Variants in MACROD2 observed in about 807,000 individuals in gnomAD.
The protein encoded by MACROD2 is mono-ADP ribosylhydrolase 2.
MACROD2 carries 36 observed loss-of-function variants against 70.4 expected under a neutral mutation model. The observed-to-expected ratio is 0.51, with a 90% CI of 0.39 to 0.68. The LOEUF (loss-of-function observed/expected upper bound fraction) is 0.68. MACROD2 is among the 30% of genes least tolerant of loss of function. The probability of loss-of-function intolerance (pLI) is 0.00; values close to 1 mark genes in which losing one functional copy is unlikely to be tolerated. For synonymous variants in MACROD2, 172 were observed against 178.8 expected (o/e 0.96, Z 0.30); for missense variants, 496 against 538.4 (o/e 0.92, Z 0.78).
intron 3 of MACROD2, among the ~76,000 whole-genome samples, chr20:14,307,364 T>C (rs1225812558): frequency 6.6e-6 from 1 of 152,280 alleles, no homozygotes; most frequent in African/African-American, 2.4e-5. Flanking sequence ...TCATTTTTTC[T>C]TCACTATGGA....
chr20:15,655,017 G>A (rs369516956), intron 8 of MACROD2, among the ~76,000 whole-genome samples: 10 of 152,140 alleles, frequency 6.6e-5, no homozygotes, highest in South Asian at 4.1e-4. Context: ...ACTAAGTCTC[G>A]TCTATAGGAC....
rs114235555 is a variant in MACROD2, at chr20:15,666,207, A to G, written c.645+166360A>G. Among the ~76,000 whole-genome samples, 354 of 152,324 alleles carry G rather than the reference A, an allele frequency of 2.3e-3. 3 individuals are homozygous for G. Among genetic ancestry groups the G allele is most frequent in the African/African-American group, 7.9e-3 (327 of 41,586 alleles). ...GAGTGGCATATATCCCAAAAACGCA[A>G]ATAATGTGAAACTGAGTGTTAGACA... is the stretch of plus-strand genomic sequence containing the variant. On this transcript the variant is annotated intron_variant, in intron 8 of 17. Transcript: ENST00000684519.
chr20:15,438,319 T>A (rs908450762), intron 7 of MACROD2, among the ~76,000 whole-genome samples: 28 of 152,322 alleles, frequency 1.8e-4, no homozygotes, highest in Non-Finnish European at 4.4e-5. Context: ...TGTTCCCTTT[T>A]CTCTGCAACC....
intron 5 of MACROD2, among the ~76,000 whole-genome samples, chr20:15,013,824 A>AT (rs2075101469): frequency 6.6e-6 from 1 of 152,088 alleles, no homozygotes; most frequent in African/African-American, 2.4e-5. Flanking sequence ...AATTGCTTGT[A>AT]TTTTTTCCTG....
chr20:15,023,351 T>G (rs1224546515), intron 5 of MACROD2, among the ~76,000 whole-genome samples: 1 of 152,190 alleles, frequency 6.6e-6, no homozygotes, highest in East Asian at 1.9e-4. Flanking sequence ...ATTCCCCCTA[T>G]GGAGAAGGGT....
At chr20:14,543,920 T>C (rs1255928920) in intron 4 of MACROD2, among the ~76,000 whole-genome samples, 4 of 152,162 alleles carry the variant, frequency 2.6e-5, no homozygotes, top group African/African-American at 9.7e-5. Context: ...CCCTCAAACT[T>C]GTCCATATCA....
chr20:15,171,442 C>G (rs2076421607), intron 5 of MACROD2, among the ~76,000 whole-genome samples: 2 of 151,576 alleles, frequency 1.3e-5, no homozygotes, highest in South Asian at 4.2e-4. Flanking sequence ...CATTGCTCTC[C>G]TACCTTCCCC....
intron 3 of MACROD2, among the ~76,000 whole-genome samples, chr20:14,342,425 C>T (rs916014455): frequency 6.6e-6 from 1 of 152,120 alleles, no homozygotes; most frequent in Non-Finnish European, 1.5e-5. Context: ...TGTAGACGCT[C>T]TCAAGTCTAG....
At chr20:14,024,559 C>T (rs1478557671) in intron 2 of MACROD2, among the ~76,000 whole-genome samples, 2 of 152,138 alleles carry the variant, frequency 1.3e-5, no homozygotes, top group African/African-American at 4.8e-5. Flanking sequence ...AGATACATTC[C>T]ATCAGTACCT....
At chr20:16,029,363 C>G (rs2067122234) in intron 15 of MACROD2, among the ~76,000 whole-genome samples, 1 of 152,138 alleles carries the variant, frequency 6.6e-6, no homozygotes, top group Admixed American at 6.5e-5. Context: ...CATGTGACAC[C>G]CACAACGAAT....
chr20:14,510,846 A>T (rs2085021770), intron 4 of MACROD2, among the ~76,000 whole-genome samples: 1 of 152,132 alleles, frequency 6.6e-6, no homozygotes, highest in African/African-American at 2.4e-5. Context: ...TTTTTAAATG[A>T]GTTTCACAGA....
At chr20:15,246,307 T>C (rs1395007165) in intron 6 of MACROD2, among the ~76,000 whole-genome samples, 2 of 152,160 alleles carry the variant, frequency 1.3e-5, no homozygotes, top group South Asian at 4.1e-4. Context: ...GTGCACTGTG[T>C]ATCCACATCA....
At chr20:14,523,845 G>C (rs1482151516) in intron 4 of MACROD2, among the ~76,000 whole-genome samples, 1 of 152,148 alleles carries the variant, frequency 6.6e-6, no homozygotes, top group African/African-American at 2.4e-5. Context: ...ATATGAGTTT[G>C]CCTATTCATA....
In MACROD2 at chr20:15,410,676, G is replaced by A. The variant is rs763828800; in HGVS notation, c.541-20729G>A. ...TGTCACACACACACACACACACAAA[G>A]CATCAATGAGGAAGTAGCCACAAAA... On this transcript the variant is annotated intron_variant, in intron 6 of 17. Coordinates refer to ENST00000684519, the MANE Select transcript of MACROD2 (RefSeq NM_001351661.2). 2.0e-5 allele frequency among the ~76,000 whole-genome samples: 3 copies of A among 147,282 alleles called. No individual in the cohort carries two copies. In the South Asian group the frequency reaches 6.6e-4, roughly 33 times the overall value.
At chr20:14,114,079 T>A (rs1424191164) in intron 3 of MACROD2, among the ~76,000 whole-genome samples, 1 of 152,136 alleles carries the variant, frequency 6.6e-6, no homozygotes, top group Non-Finnish European at 1.5e-5. Flanking sequence ...ACAGAAGAAA[T>A]TATTTCCTTA....
chr20:14,634,448 T>C (rs1200617409), intron 4 of MACROD2, among the ~76,000 whole-genome samples: 1 of 152,260 alleles, frequency 6.6e-6, no homozygotes, highest in African/African-American at 2.4e-5. Context: ...CTCCTTTCCA[T>C]GTGCTTCTTT....
At chr20:15,859,581 C>T (rs370924555) in intron 8 of MACROD2, among the ~76,000 whole-genome samples, 88 of 152,176 alleles carry the variant, frequency 5.8e-4, no homozygotes, top group East Asian at 4.6e-3. Flanking sequence ...TGTTTGTGCA[C>T]GCTTATAATA....
At chr20:15,486,992 T>C (rs1282198869) in intron 7 of MACROD2, among the ~76,000 whole-genome samples, 3 of 152,236 alleles carry the variant, frequency 2.0e-5, no homozygotes, top group Non-Finnish European at 2.9e-5. Flanking sequence ...TCTTGGCTTC[T>C]GCTGGGCACA....
chr20:14,204,414 G>A (rs548152223), intron 3 of MACROD2, among the ~76,000 whole-genome samples: 2 of 152,288 alleles, frequency 1.3e-5, no homozygotes, highest in African/African-American at 4.8e-5. Flanking sequence ...GGGTCCTAGA[G>A]CAGGACGTAG....
Sources: allele counts gnomAD v4.1 joint callset (sites outside exome capture counted in the v4.1 genomes callset), GRCh38; gene constraint gnomAD v4.1.1; transcripts MANE v1.5; gene names NCBI Gene and HGNC (gene_info 2026-07-23, HGNC 2026-07-21).